CHD2: variants seen among roughly 807,000 people sequenced by gnomAD.
The protein encoded by CHD2 is ATP-dependent chromatin remodeler CHD2.
In CHD2, 28 loss-of-function variants were observed where a neutral mutation model predicts 243.9. That is an observed-to-expected ratio of 0.11 (90% CI 0.09 to 0.16). The LOEUF (loss-of-function observed/expected upper bound fraction) is 0.16. Among genes scored for constraint, CHD2 ranks in the 10% least tolerant of loss-of-function variants. The probability of loss-of-function intolerance (pLI) is 1.00; values close to 1 mark genes in which losing one functional copy is unlikely to be tolerated. For missense variants in CHD2, 1,386 were observed against 2,209.8 expected (o/e 0.63, Z 7.47); for synonymous variants, 775 against 779.0 (o/e 0.99, Z 0.09).
intron 7 of CHD2, among the ~76,000 whole-genome samples, chr15:92,940,779 TATA>T (rs1160476733): frequency 1.4e-5 from 2 of 138,910 alleles, no homozygotes; most frequent in African/African-American, 2.6e-5. Flanking sequence ...ATATAAAAAA[TATA>T]AAAAATATAT....
At position 92,901,231 on chromosome 15, in the gene CHD2, T is replaced by G. The variant is rs752030272; in HGVS notation, c.-7T>G. ...CCCCCTCCCCCTTAATATTTAAGAA[T>G]TAAAAGATGATGAGAAATAAGGACA... On this transcript the variant is annotated 5_prime_UTR_variant, in exon 2 of 39. Transcript: ENST00000394196. 6.4e-7 allele frequency: 1 copy of G among 1,568,100 alleles called. No individual in the cohort carries two copies. The highest frequency in any genetic ancestry group is 8.8e-7 in the Non-Finnish European group (1 of 1,139,848).
intron 13 of CHD2, among the ~76,000 whole-genome samples, chr15:92,952,949 T>C (rs746557111): frequency 6.6e-6 from 1 of 152,200 alleles, no homozygotes; most frequent in Non-Finnish European, 1.5e-5. Context: ...TGCAGTGGAA[T>C]GGGGTGGGCC....
chr15:92,901,180 A>G lies in CHD2; in HGVS notation c.-58A>G, dbSNP rs1009329302. On this transcript the variant is annotated 5_prime_UTR_variant, in exon 2 of 39. Transcript: ENST00000394196. ...AACTTTTGACAGTAAATACCTGGGC[A>G]CAGGACTTCAAAGCAAACACAGATT... 15 of 994,836 alleles carry G rather than the reference A, an allele frequency of 1.5e-5. No homozygotes were observed. Among genetic ancestry groups the G allele is most frequent in the South Asian group, 1.3e-4 (10 of 75,506 alleles). 61.6% of individuals were successfully genotyped at this position (994,836 alleles called of 1,614,324 possible).
intron 20 of CHD2, among the ~76,000 whole-genome samples, chr15:92,975,995 C>A (rs1482515179): frequency 6.6e-6 from 1 of 152,126 alleles, no homozygotes; most frequent in Non-Finnish European, 1.5e-5. Context: ...TTCTGATACC[C>A]CACTTCATAA....
At chr15:92,975,447 A>G (rs2053895191) in intron 20 of CHD2, among the ~76,000 whole-genome samples, 1 of 152,198 alleles carries the variant, frequency 6.6e-6, no homozygotes, top group Admixed American at 6.5e-5. Flanking sequence ...TTTGGGGGGC[A>G]CATATAGAAG....
At chr15:92,980,950 T>A (rs1444892591) in intron 23 of CHD2, 39 bp downstream of exon 23, 1 of 1,408,932 alleles carries the variant, frequency 7.1e-7, no homozygotes, top group Non-Finnish European at 1.0e-6. Context: ...TTTTGAGAAG[T>A]ATGATCTGTG....
chr15:92,965,123 G>A (rs906586585), intron 16 of CHD2: 6 of 152,152 alleles, frequency 3.9e-5, no homozygotes, highest in African/African-American at 1.4e-4. Flanking sequence ...TACAGAAGTT[G>A]ATAGCAGGGA....
intron 32 of CHD2, among the ~76,000 whole-genome samples, chr15:93,001,235 A>G (rs2054251914): frequency 1.3e-5 from 2 of 152,190 alleles, no homozygotes; most frequent in South Asian, 4.1e-4. Flanking sequence ...GGGAGTGGTC[A>G]GGACTGTGGT....
chr15:92,941,312 C>T lies in CHD2; in HGVS notation c.693-510C>T, dbSNP rs368694513. 1.1e-4 allele frequency among the ~76,000 whole-genome samples: 16 copies of T among 151,968 alleles called. No homozygotes were observed. The East Asian group carries it at 2.3e-3, about 22-fold the overall frequency. On this transcript the variant is annotated intron_variant, in intron 7 of 38. Coordinates refer to ENST00000394196, the MANE Select transcript of CHD2 (RefSeq NM_001271.4). ...TAGCCAATATGTTTCTTTTTTTAAA[C>T]CAGGAAGTATTTGTGTTGAAGCTTC... is the stretch of plus-strand genomic sequence containing the variant.
At chr15:93,012,318 A>T in intron 35 of CHD2, 27 bp from the exon 36 acceptor site, 2 of 1,517,208 alleles carry the variant, frequency 1.3e-6, no homozygotes, top group South Asian at 1.2e-5. Context: ...TCTATAATTC[A>T]CCAGAACTGT....
Position 92,967,295 on chromosome 15 carries a change from C to T in CHD2, c.2001-30C>T, listed in dbSNP as rs372314690. On this transcript the variant is annotated intron_variant, in intron 16 of 38. Transcript: ENST00000394196. ...CCTATTCTTCTTTTCCTCAATGTGG[C>T]TAAATAACACTATACTGTTTCTTCC... 1,242 of 1,453,162 alleles carry T rather than the reference C, an allele frequency of 8.5e-4. 1 individual carries two copies. Among genetic ancestry groups the T allele is most frequent in the Admixed American group, 1.1e-3 (47 of 43,678 alleles). 90.0% of individuals were successfully genotyped at this position (1,453,162 alleles called of 1,614,324 possible).
intron 23 of CHD2, 90 bp from the exon 24 acceptor site, chr15:92,981,275 C>T: frequency 1.2e-6 from 1 of 854,822 alleles, no homozygotes; most frequent in South Asian, 1.6e-5. Flanking sequence ...TTGCACCAAA[C>T]ATTTTTAGTA....
At chr15:93,011,459 G>A (rs2054393335) in intron 35 of CHD2, among the ~76,000 whole-genome samples, 1 of 152,162 alleles carries the variant, frequency 6.6e-6, no homozygotes, top group Admixed American at 6.5e-5. Context: ...GGGACTGGGT[G>A]GTGTTCAGGA....
At position 92,924,353 on chromosome 15, in the gene CHD2, A is replaced by T; in HGVS notation, c.95A>T (p.Asp32Val). The T allele has an allele frequency of 1.9e-6, 3 of 1,614,040 alleles. No homozygotes were observed. Among genetic ancestry groups the T allele is most frequent in the Non-Finnish European group, 2.5e-6 (3 of 1,179,998 alleles). The change falls in exon 3 of 39, where the codon GAC (aspartate) becomes GTC (valine). Residue 32 changes from aspartate to valine, a missense_variant. Physicochemically the swap from Asp to Val is radical, Grantham distance 152. Transcript: ENST00000394196. ...GCCTCTGAAGAAGCTTCGGGTTCAG[A>T]CTCAGGCAGTCAGTCGGAAAGTGAG... ...HSASEEASGS[D>V]SGSQSESEQG...
intron 28 of CHD2, among the ~76,000 whole-genome samples, chr15:92,995,746 C>G (rs1396814621): frequency 6.6e-6 from 1 of 152,180 alleles, no homozygotes; most frequent in Non-Finnish European, 1.5e-5. Flanking sequence ...TTTCATATCT[C>G]TGCCAGCATA....
chr15:92,919,449 A>G (rs576724761), intron 2 of CHD2, among the ~76,000 whole-genome samples: 6 of 151,740 alleles, frequency 4.0e-5, no homozygotes, highest in South Asian at 2.1e-4. Flanking sequence ...CTGGAGTGCA[A>G]TGGCACGATT....
intron 38 of CHD2, among the ~76,000 whole-genome samples, chr15:93,023,328 G>A (rs2054555166): frequency 6.6e-6 from 1 of 152,138 alleles, no homozygotes; most frequent in South Asian, 2.1e-4. Context: ...TGTTTTCAAG[G>A]TTCATTCATC....
At chr15:92,999,083 C>CAAAAAAAAAAAAAAAAAAAA (rs55738843) in intron 31 of CHD2, among the ~76,000 whole-genome samples, 3 of 65,528 alleles carry the variant, frequency 4.6e-5, no homozygotes, top group African/African-American at 6.7e-5. Context: ...GACTCCGTCT[C>CAAAAAAAAAAAAAAAAAAAA]AAAAAAAAAA....
In CHD2 at chr15:92,901,327, T is replaced by C. The variant is rs1274352423; in HGVS notation, c.62+28T>C. ...ATGAGCTATCAACTTTCTTCCTTTT[T>C]GTCTTTTTTTTTGGGGGAGAAACCT... is the stretch of plus-strand genomic sequence containing the variant. On this transcript the variant is annotated intron_variant, in intron 2 of 38. Coordinates refer to ENST00000394196, the MANE Select transcript of CHD2 (RefSeq NM_001271.4). 4.0e-6 allele frequency: 6 copies of C among 1,495,152 alleles called. No individual in the cohort carries two copies. In the African/African-American group the frequency reaches 8.3e-5, roughly 21 times the overall value. 92.6% of individuals were successfully genotyped at this position (1,495,152 alleles called of 1,614,324 possible).
Sources: allele counts gnomAD v4.1 joint callset (sites outside exome capture counted in the v4.1 genomes callset), GRCh38; gene constraint gnomAD v4.1.1; transcripts MANE v1.5; gene names NCBI Gene and HGNC (gene_info 2026-07-23, HGNC 2026-07-21).